The following ENDOV variants were observed in gnomAD, a reference collection of about 807,000 sequenced individuals.
ENDOV encodes endonuclease V.
Under a neutral mutation model 39.4 loss-of-function variants are expected in ENDOV, and 37 were observed. The ratio of observed to expected loss-of-function variants is 0.94; its 90% CI spans 0.72 to 1.23. The LOEUF (loss-of-function observed/expected upper bound fraction) is 1.23, where lower values mean the gene tolerates loss of function less well. ENDOV is among the 50% of genes most tolerant of loss of function. The probability of loss-of-function intolerance (pLI) is 0.00; values close to 1 mark genes in which losing one functional copy is unlikely to be tolerated. For synonymous variants in ENDOV, 186 were observed against 163.4 expected, an observed-to-expected ratio of 1.14 and a Z score of -1.05; for missense variants, 441 against 375.7, an observed-to-expected ratio of 1.17 and a Z score of -1.44.
chr17:80,424,998 G>A (rs879127806), intron 5 of ENDOV, 34 bp from the exon 6 acceptor site: 2 of 1,580,284 alleles, frequency 1.3e-6, no homozygotes, highest in Admixed American at 1.7e-5. Context: ...AGAAGAGAGG[G>A]GTTTTTTTCC....
At chr17:80,419,808 C>T (rs1436690052) in intron 2 of ENDOV, 1 of 644,300 alleles carries the variant, frequency 1.6e-6, no homozygotes, top group African/African-American at 1.8e-5. Flanking sequence ...TGGATGTGGT[C>T]TACCCAAGTC....
intron 2 of ENDOV, chr17:80,419,290 A>G: frequency 2.6e-6 from 1 of 377,686 alleles, no homozygotes; most frequent in South Asian, 6.1e-5. Flanking sequence ...ATTCTGAAGC[A>G]GAGCTGGGCT....
intron 7 of ENDOV, 34 bp from the exon 8 acceptor site, chr17:80,428,562 G>A: frequency 6.4e-7 from 1 of 1,559,908 alleles, no homozygotes; most frequent in Non-Finnish European, 8.7e-7. Context: ...CTAGAGACCA[G>A]CTCAGCACCC....
intron 5 of ENDOV, chr17:80,423,906 C>T (rs1361651954): frequency 6.1e-6 from 3 of 488,330 alleles, no homozygotes; most frequent in Non-Finnish European, 1.1e-5. Flanking sequence ...CCAAGTAGGG[C>T]TAAGTCCTCC....
chr17:80,436,069 C>G, intron 9 of ENDOV, 64 bp from the exon 10 acceptor site: 1 of 1,578,312 alleles, frequency 6.3e-7, no homozygotes, highest in Non-Finnish European at 8.6e-7. Context: ...TCCACTTCCT[C>G]CTTTCCACTC....
chr17:80,430,249 C>G, intron 9 of ENDOV: 1 of 1,471,924 alleles, frequency 6.8e-7, no homozygotes, highest in African/African-American at 1.4e-5. Context: ...TTCCCGGAGC[C>G]GACGAAGGGG....
intron 7 of ENDOV, chr17:80,427,986 CAG>C (rs1257293237): frequency 6.4e-6 from 6 of 932,806 alleles, no homozygotes; most frequent in African/African-American, 5.2e-5. Context: ...GAGCTGGGAT[CAG>C]GGGGACTTCC....
intron 2 of ENDOV, chr17:80,418,711 G>A (rs1215380537): frequency 6.6e-6 from 1 of 152,190 alleles, no homozygotes; most frequent in Non-Finnish European, 1.5e-5. Flanking sequence ...GGGATGGATG[G>A]GAAGTGACTG....
chr17:80,422,342 G>GCCTCTGCCGCCAGCCC, intron 4 of ENDOV, 97 bp downstream of exon 4: 4 of 1,432,992 alleles, frequency 2.8e-6, no homozygotes, highest in Non-Finnish European at 3.9e-6. Flanking sequence ...TGGGCCCTCG[G>GCCTCTGCCGCCAGCCC]CCTCTGCCGC....
At position 80,416,106 on chromosome 17, in the gene ENDOV, A is replaced by G. The variant is rs1169965994; in HGVS notation, c.228+285A>G. 2.6e-5 allele frequency: 8 copies of G among 302,438 alleles called. No homozygotes were observed. In the Admixed American group the frequency reaches 3.2e-4, roughly 12 times the overall value. The allele number at this position is 302,438 out of a possible 1,614,324, so 18.7% of individuals were successfully genotyped here. A position where few individuals can be genotyped will look rare whatever the true frequency, so the allele number is the denominator to read the frequency against. ...TACAAAATTAGACGGGTGTGGTGGC[A>G]TATACCTGTAATCCCAGCTACTCGG... On this transcript the variant is annotated intron_variant, in intron 2 of 9. Coordinates refer to ENST00000518137, the MANE Select transcript of ENDOV (RefSeq NM_173627.5).
chr17:80,422,567 G>T (rs139392818), intron 4 of ENDOV, among the ~76,000 whole-genome samples: 1 of 152,248 alleles, frequency 6.6e-6, no homozygotes, highest in Non-Finnish European at 1.5e-5. Flanking sequence ...CCCAGGGCCC[G>T]GGCTCAGAGT....
At chr17:80,427,290 C>A in intron 7 of ENDOV, 1 of 333,402 alleles carries the variant, frequency 3.0e-6, no homozygotes, top group Non-Finnish European at 4.3e-6. Flanking sequence ...GTCCCCCAGG[C>A]CTTCAGCCAC....
At position 80,423,513 on chromosome 17, in the gene ENDOV, C is replaced by T. The variant is rs1170528965; in HGVS notation, c.404-7C>T. The T allele has an allele frequency of 2.1e-6, 3 of 1,409,524 alleles. No individual in the cohort carries two copies. The highest frequency in any genetic ancestry group is 2.9e-6 in the Non-Finnish European group (3 of 1,047,508). 87.3% of individuals were successfully genotyped at this position (1,409,524 alleles called of 1,614,324 possible). On this transcript the variant is annotated splice_region_variant and splice_polypyrimidine_tract_variant and intron_variant, in intron 4 of 9. Coordinates refer to ENST00000518137, the MANE Select transcript of ENDOV (RefSeq NM_173627.5). ...TCCCCAACCCCACCCTCCTTTCTCT[C>T]TGGCAGGCTTTGGGGTGGCCTGCCA...
chr17:80,421,477 A>G (rs1029830439), intron 2 of ENDOV, among the ~76,000 whole-genome samples: 2 of 127,008 alleles, frequency 1.6e-5, no homozygotes, highest in African/African-American at 6.2e-5. Flanking sequence ...GGGTTCTCAT[A>G]TGGACCGGGT....
chr17:80,418,830 A>C (rs1236825863), intron 2 of ENDOV: 1 of 152,210 alleles, frequency 6.6e-6, no homozygotes, highest in Non-Finnish European at 1.5e-5. Context: ...ATATGTTTTA[A>C]ACAAGTGAAC....
In ENDOV at chr17:80,422,320, C is replaced by A. The variant is rs2082151796; in HGVS notation, c.403+75C>A. ...GGGAGAGGGCACCTCTGTCGTCCCC[C>A]ACAGAAAATGCTGGGCCCTCGGCCT... On this transcript the variant is annotated intron_variant, in intron 4 of 9. Transcript: ENST00000518137. 5.8e-6 allele frequency: 9 copies of A among 1,560,330 alleles called. No homozygotes were observed. In the South Asian group the frequency reaches 9.1e-5, roughly 16 times the overall value.
chr17:80,428,526 G>A lies in ENDOV; in HGVS notation c.715-70G>A, dbSNP rs2083008850. The A allele has an allele frequency of 5.5e-6, 8 of 1,462,084 alleles. No individual in the cohort carries two copies. The South Asian group carries it at 9.9e-5, about 18-fold the overall frequency. 90.6% of individuals were successfully genotyped at this position (1,462,084 alleles called of 1,614,324 possible). A position where few individuals can be genotyped will look rare whatever the true frequency, so the allele number is the denominator to read the frequency against. On this transcript the variant is annotated intron_variant, in intron 7 of 9. Transcript: ENST00000518137. The stretch of plus-strand genomic sequence containing the variant: ...TCTGTGGGGGATGGAGGCATTGCCA[G>A]CAGCAGCTCCTGGTGGGAAACTGGT...
At chr17:80,432,571 C>T (rs6565689) in intron 9 of ENDOV, among the ~76,000 whole-genome samples, 67,609 of 151,866 alleles carry the variant, frequency 0.45, 15,640 homozygotes, top group South Asian at 0.65. Context: ...GCAGAGGTCC[C>T]GTGTCATTGC....
intron 9 of ENDOV, among the ~76,000 whole-genome samples, chr17:80,432,798 G>T (rs1472117800): frequency 6.6e-6 from 1 of 152,070 alleles, no homozygotes; most frequent in Non-Finnish European, 1.5e-5. Flanking sequence ...CAGGGGAGCT[G>T]CTGACTGCAG....
Sources: gnomAD v4.1 joint callset for allele counts (sites outside exome capture counted in the v4.1 genomes callset) on GRCh38, gnomAD v4.1.1 for gene constraint, MANE v1.5 for transcripts, NCBI Gene and HGNC (gene_info 2026-07-23, HGNC 2026-07-21) for gene names.